Variants in KIF6 observed in about 807,000 individuals in gnomAD.
KIF6 encodes the protein kinesin family member 6, also known as kinesin-like protein KIF6.
A neutral mutation model predicts 112.7 loss-of-function variants in KIF6; 106 were observed. The observed-to-expected ratio is 0.94, with a 90% confidence interval of 0.80 to 1.11. The LOEUF is 1.11. Ranked by LOEUF, KIF6 falls within the 50% of genes least tolerant of loss-of-function variation. The probability of loss-of-function intolerance (pLI) is 0.00; values close to 1 mark genes in which losing one functional copy is unlikely to be tolerated. For missense variants in KIF6, 929 were observed against 964.0 expected (o/e 0.96, Z 0.48); for synonymous variants, 339 against 339.9 (o/e 1.00, Z 0.03).
intron 10 of KIF6, among the ~76,000 whole-genome samples, chr6:39,576,545 G>C (rs542076437): frequency 6.6e-6 from 1 of 152,282 alleles, no homozygotes; most frequent in African/African-American, 2.4e-5. Context: ...AGGAAGCACT[G>C]GTGGAAGACT....
Position 39,500,451 on chromosome 6 carries a change from T to C in KIF6, c.1645+39552A>G, listed in dbSNP as rs190552698. ...CTTAGACAACTGCAGATATCACTCATTGAGGTAGAAAATATAGGAGGAAGA... is the reference window on the plus strand; with the variant it reads ...CTTAGACAACTGCAGATATCACTCACTGAGGTAGAAAATATAGGAGGAAGA... On this transcript the variant is annotated intron_variant, in intron 13 of 22. Transcript: ENST00000287152. Among the ~76,000 whole-genome samples the C allele has an allele frequency of 2.6e-5, 4 of 152,224 alleles. No homozygotes were observed. The East Asian group carries it at 7.7e-4, about 29-fold the overall frequency.
intron 13 of KIF6, among the ~76,000 whole-genome samples, chr6:39,442,984 G>A (rs1353852296): frequency 6.6e-6 from 1 of 151,626 alleles, no homozygotes; most frequent in Non-Finnish European, 1.5e-5. Flanking sequence ...CGTGGTGGCG[G>A]GCACCTGTAG....
At chr6:39,365,059 A>T (rs1765454223) in intron 16 of KIF6, among the ~76,000 whole-genome samples, 1 of 152,172 alleles carries the variant, frequency 6.6e-6, no homozygotes, top group African/African-American at 2.4e-5. Flanking sequence ...TTGGCAGCCT[A>T]GTCTGCTGAG....
intron 13 of KIF6, among the ~76,000 whole-genome samples, chr6:39,528,375 A>G (rs1278981894): frequency 6.6e-6 from 1 of 152,222 alleles, no homozygotes; most frequent in African/African-American, 2.4e-5. Flanking sequence ...ATGGACATTT[A>G]GGTTAACTCC....
At chr6:39,404,795 C>T (rs1768968585) in intron 15 of KIF6, among the ~76,000 whole-genome samples, 1 of 151,942 alleles carries the variant, frequency 6.6e-6, no homozygotes, top group Non-Finnish European at 1.5e-5. Context: ...GTCTTTTAAT[C>T]CATAAACATT....
At chr6:39,429,195 C>G (rs143221442) in intron 14 of KIF6, among the ~76,000 whole-genome samples, 1 of 152,198 alleles carries the variant, frequency 6.6e-6, no homozygotes, top group African/African-American at 2.4e-5. Context: ...ACCCTCATTG[C>G]GGTTTGCTTT....
intron 13 of KIF6, among the ~76,000 whole-genome samples, chr6:39,523,306 T>C (rs546901140): frequency 3.3e-5 from 5 of 152,100 alleles, no homozygotes; most frequent in Non-Finnish European, 7.4e-5. Flanking sequence ...TTCCCTCCAG[T>C]ATCCAAATTA....
intron 13 of KIF6, among the ~76,000 whole-genome samples, chr6:39,477,626 G>C (rs1050573952): frequency 2.6e-5 from 4 of 152,202 alleles, no homozygotes; most frequent in Admixed American, 6.5e-5. Flanking sequence ...ACTTTGGGAG[G>C]CCAAGGCTGG....
chr6:39,620,412 C>G (rs1024238647), intron 5 of KIF6: 7 of 152,200 alleles, frequency 4.6e-5, no homozygotes, highest in Non-Finnish European at 1.0e-4. Flanking sequence ...CATCTAGAGG[C>G]AATGGATTTG....
At chr6:39,613,087 G>C in intron 6 of KIF6, 102 bp downstream of exon 6, 1 of 876,876 alleles carries the variant, frequency 1.1e-6, no homozygotes, top group Non-Finnish European at 1.6e-6. Flanking sequence ...TAAGGTCATT[G>C]TTGGCCCTAA....
At chr6:39,566,563 A>T (rs1780289718) in intron 10 of KIF6, among the ~76,000 whole-genome samples, 1 of 152,250 alleles carries the variant, frequency 6.6e-6, no homozygotes, top group African/African-American at 2.4e-5. Context: ...CTTTTAGATA[A>T]GCAGTCTTAT....
chr6:39,561,973 A>G (rs1780031192), intron 10 of KIF6, among the ~76,000 whole-genome samples: 1 of 152,230 alleles, frequency 6.6e-6, no homozygotes, highest in Non-Finnish European at 1.5e-5. Flanking sequence ...TCTCCTATGT[A>G]TCTGCTATTC....
chr6:39,599,789 T>G (rs939726256), intron 6 of KIF6, among the ~76,000 whole-genome samples: 9 of 152,190 alleles, frequency 5.9e-5, no homozygotes, highest in African/African-American at 1.9e-4. Context: ...AACAGCTGTC[T>G]TTAGCTTCGA....
intron 10 of KIF6, among the ~76,000 whole-genome samples, chr6:39,550,956 T>C (rs895459467): frequency 2.3e-4 from 35 of 152,210 alleles, no homozygotes; most frequent in Admixed American, 2.0e-3. Flanking sequence ...TAATACTCCA[T>C]TGTGTACACA....
intron 13 of KIF6, among the ~76,000 whole-genome samples, chr6:39,493,792 C>T (rs1775617745): frequency 1.3e-5 from 2 of 152,224 alleles, no homozygotes. Context: ...ATTGTTCTTA[C>T]CAGCTGCTCT....
Position 39,389,598 on chromosome 6 carries a change from C to G in KIF6, c.1811-3926G>C, listed in dbSNP as rs9394590. On this transcript the variant is annotated intron_variant, in intron 15 of 22. Coordinates refer to ENST00000287152, the MANE Select transcript of KIF6 (RefSeq NM_145027.6). ...TGGACCAACGGCTGGCCTTGCTCCT[C>G]CATCAGGGATGGTTTGCTTTCCTGC... 0.017 allele frequency among the ~76,000 whole-genome samples: 2,564 copies of G among 152,288 alleles called. 135 individuals carry two copies. The East Asian group carries it at 0.21, about 12-fold the overall frequency.
At chr6:39,696,622 ATG>A (rs137978175) in intron 3 of KIF6, among the ~76,000 whole-genome samples, 24 of 151,146 alleles carry the variant, frequency 1.6e-4, no homozygotes, top group Middle Eastern at 3.4e-3. Context: ...TTCAACTAGA[ATG>A]TGTGTGTGTG....
At chr6:39,685,102 C>A (rs547633810) in intron 3 of KIF6, among the ~76,000 whole-genome samples, 1 of 152,180 alleles carries the variant, frequency 6.6e-6, no homozygotes, top group Admixed American at 6.5e-5. Context: ...TGGGAAATAG[C>A]TAGAAGGGAT....
intron 5 of KIF6, chr6:39,617,858 T>C: frequency 2.4e-6 from 1 of 414,816 alleles, no homozygotes; most frequent in Non-Finnish European, 5.0e-6. Flanking sequence ...ATGTTTCACA[T>C]GTTGTAAACA....
Sources: gnomAD v4.1 joint callset for allele counts (sites outside exome capture counted in the v4.1 genomes callset) on GRCh38, gnomAD v4.1.1 for gene constraint, MANE v1.5 for transcripts, NCBI Gene and HGNC (gene_info 2026-07-23, HGNC 2026-07-21) for gene names.